CNTNAP5: variants seen among roughly 807,000 people sequenced by gnomAD.
CNTNAP5 encodes the protein contactin associated protein family member 5, also known as contactin-associated protein-like 5.
CNTNAP5 carries 72 observed loss-of-function variants against 150.2 expected under a neutral mutation model. The observed-to-expected ratio is 0.48, with a 90% CI of 0.40 to 0.58. CNTNAP5 has a LOEUF of 0.58. Among genes scored for constraint, CNTNAP5 ranks in the 20% least tolerant of loss-of-function variants. CNTNAP5 has a pLI of 0.00. For missense variants in CNTNAP5, 1,636 were observed against 1,626.2 expected (o/e 1.01, Z -0.10); for synonymous variants, 672 against 619.8 (o/e 1.08, Z -1.25).
chr2:124,140,104 G>A lies in CNTNAP5; in HGVS notation c.83-81601G>A, dbSNP rs12328906. On this transcript the variant is annotated intron_variant, in intron 1 of 23. Transcript: ENST00000682447. ...ACCGGCTTAAAAAACGGCGCACCAC[G>A]AGACTATATCCCACACCTGGCTCAG... 6.3e-3 allele frequency among the ~76,000 whole-genome samples: 958 copies of A among 151,886 alleles called. 13 individuals carry two copies. The highest frequency in any genetic ancestry group is 0.021 in the African/African-American group (861 of 41,478).
chr2:124,636,102 G>A (rs1677963671), intron 12 of CNTNAP5, among the ~76,000 whole-genome samples: 1 of 152,134 alleles, frequency 6.6e-6, no homozygotes, highest in Non-Finnish European at 1.5e-5. Flanking sequence ...TTTTATGCTT[G>A]TAATTGAAAA....
intron 1 of CNTNAP5, among the ~76,000 whole-genome samples, chr2:124,079,464 G>A (rs1297986497): frequency 3.3e-5 from 5 of 152,002 alleles, no homozygotes; most frequent in Middle Eastern, 3.2e-3. Context: ...CAGCCTCAGT[G>A]TTCAGACATA....
At chr2:124,391,793 A>G (rs2104749095) in intron 3 of CNTNAP5, among the ~76,000 whole-genome samples, 1 of 152,022 alleles carries the variant, frequency 6.6e-6, no homozygotes, top group East Asian at 1.9e-4. Flanking sequence ...GTCTCTACTA[A>G]AAAATACAAA....
chr2:124,790,240 A>G, intron 18 of CNTNAP5, 99 bp downstream of exon 18: 1 of 1,282,274 alleles, frequency 7.8e-7, no homozygotes, highest in Non-Finnish European at 1.1e-6. Context: ...AGTCTTTATC[A>G]TCTACTCTCC....
intron 3 of CNTNAP5, among the ~76,000 whole-genome samples, chr2:124,267,094 T>A (rs1443104024): frequency 2.0e-5 from 3 of 152,066 alleles, no homozygotes; most frequent in African/African-American, 7.2e-5. Context: ...ATTTTAAGAT[T>A]CATAATTTTT....
chr2:124,232,230 G>C (rs1171681352), intron 2 of CNTNAP5, among the ~76,000 whole-genome samples: 1 of 152,154 alleles, frequency 6.6e-6, no homozygotes, highest in Admixed American at 6.6e-5. Flanking sequence ...TATTTGTCTA[G>C]TGATTGGCAG....
chr2:124,049,102 C>T lies in CNTNAP5; in HGVS notation c.82+23370C>T, dbSNP rs181749904. ...CAGGCTTGCTGCTCTGCAGAGGTCA[C>T]TTTGAGAAACGCTGATTTCAGGGCT... On this transcript the variant is annotated intron_variant, in intron 1 of 23. Coordinates refer to ENST00000682447, the MANE Select transcript of CNTNAP5 (RefSeq NM_001367498.1). Among the ~76,000 whole-genome samples the T allele has an allele frequency of 3.3e-3, 500 of 152,298 alleles. 3 individuals are homozygous for T. The highest frequency in any genetic ancestry group is 5.7e-3 in the Non-Finnish European group (389 of 68,032).
intron 1 of CNTNAP5, among the ~76,000 whole-genome samples, chr2:124,049,385 T>A (rs556708210): frequency 6.6e-6 from 1 of 152,302 alleles, no homozygotes; most frequent in African/African-American, 2.4e-5. Flanking sequence ...GTCTAAGTCT[T>A]AAAGATGATG....
intron 1 of CNTNAP5, among the ~76,000 whole-genome samples, chr2:124,164,802 C>A (rs906762741): frequency 3.9e-5 from 6 of 152,052 alleles, no homozygotes; most frequent in African/African-American, 1.4e-4. Context: ...TAAATGAGGC[C>A]GTTTCAATAT....
chr2:124,229,473 T>G (rs1180262085), intron 2 of CNTNAP5, among the ~76,000 whole-genome samples: 1 of 152,110 alleles, frequency 6.6e-6, no homozygotes, highest in Non-Finnish European at 1.5e-5. Flanking sequence ...CACTTCAGCC[T>G]TCATCTCATC....
At chr2:124,714,803 AT>A in intron 13 of CNTNAP5, among the ~76,000 whole-genome samples, 1 of 152,112 alleles carries the variant, frequency 6.6e-6, no homozygotes, top group African/African-American at 2.4e-5. Flanking sequence ...ATACATATAC[AT>A]TTTTTACTTG....
intron 7 of CNTNAP5, among the ~76,000 whole-genome samples, chr2:124,490,694 A>G (rs1029049668): frequency 1.3e-5 from 2 of 152,076 alleles, no homozygotes; most frequent in East Asian, 3.9e-4. Context: ...TCTGGTGCAA[A>G]CTGTGATGTG....
chr2:124,167,167 C>A (rs1302737419), intron 1 of CNTNAP5, among the ~76,000 whole-genome samples: 1 of 152,154 alleles, frequency 6.6e-6, no homozygotes, highest in East Asian at 1.9e-4. Flanking sequence ...GACACTTTAA[C>A]TGTTGGTATT....
At chr2:124,636,003 A>G (rs1490482039) in intron 12 of CNTNAP5, among the ~76,000 whole-genome samples, 2 of 152,190 alleles carry the variant, frequency 1.3e-5, no homozygotes, top group Non-Finnish European at 2.9e-5. Context: ...GAGTAGTCTA[A>G]CTTTTATGTC....
intron 3 of CNTNAP5, among the ~76,000 whole-genome samples, chr2:124,347,330 T>C (rs1457338448): frequency 6.6e-6 from 1 of 152,134 alleles, no homozygotes; most frequent in Non-Finnish European, 1.5e-5. Flanking sequence ...TACCTCTTCT[T>C]CACTGCAGAG....
intron 10 of CNTNAP5, among the ~76,000 whole-genome samples, chr2:124,551,432 G>C (rs188860131): frequency 6.6e-6 from 1 of 152,124 alleles, no homozygotes; most frequent in Non-Finnish European, 1.5e-5. Context: ...ATAGAAATAG[G>C]TTTCAAAAGC....
intron 1 of CNTNAP5, among the ~76,000 whole-genome samples, chr2:124,028,930 G>A (rs1434969164): frequency 6.6e-6 from 1 of 152,118 alleles, no homozygotes; most frequent in Non-Finnish European, 1.5e-5. Context: ...AGAGATGATT[G>A]CACTGATAAA....
At chr2:124,713,581 G>T (rs111429902) in intron 13 of CNTNAP5, among the ~76,000 whole-genome samples, 2 of 151,486 alleles carry the variant, frequency 1.3e-5, no homozygotes, top group African/African-American at 4.9e-5. Context: ...TCACTATGTC[G>T]GCTAGGGTGG....
At chr2:124,662,351 G>C (rs982408513) in intron 13 of CNTNAP5, among the ~76,000 whole-genome samples, 1 of 152,134 alleles carries the variant, frequency 6.6e-6, no homozygotes, top group African/African-American at 2.4e-5. Flanking sequence ...CCCAATAATA[G>C]GGTTGTTGGG....
Sources: gnomAD v4.1 joint callset for allele counts (sites outside exome capture counted in the v4.1 genomes callset) on GRCh38, gnomAD v4.1.1 for gene constraint, MANE v1.5 for transcripts, NCBI Gene and HGNC (gene_info 2026-07-23, HGNC 2026-07-21) for gene names.